The following QSOX2 variants were observed in gnomAD, a reference collection of about 807,000 sequenced individuals.
QSOX2 encodes sulfhydryl oxidase 2.
In QSOX2, 46 loss-of-function variants were observed where a neutral mutation model predicts 61.7. The ratio of observed to expected loss-of-function variants is 0.75; its 90% CI spans 0.59 to 0.95. The LOEUF is 0.95. QSOX2 is among the 40% of genes least tolerant of loss of function. QSOX2 has a pLI of 0.00. For missense variants in QSOX2, 879 were observed against 918.9 expected, an observed-to-expected ratio of 0.96 and a Z score of 0.56; for synonymous variants, 383 against 388.4, an observed-to-expected ratio of 0.99 and a Z score of 0.16.
chr9:136,212,258 C>G (rs1168766298), intron 10 of QSOX2, among the ~76,000 whole-genome samples: 1 of 152,200 alleles, frequency 6.6e-6, no homozygotes, highest in Non-Finnish European at 1.5e-5. Context: ...GCTCGGCAGT[C>G]CCCACTCAGA....
intron 2 of QSOX2, among the ~76,000 whole-genome samples, chr9:136,225,543 G>C (rs909260918): frequency 2.0e-5 from 3 of 152,238 alleles, no homozygotes; most frequent in Non-Finnish European, 4.4e-5. Context: ...TGCAAACGAA[G>C]CCGCCAGTGC....
At chr9:136,218,144 C>G (rs1222781982) in intron 8 of QSOX2, among the ~76,000 whole-genome samples, 2 of 152,240 alleles carry the variant, frequency 1.3e-5, no homozygotes, top group Admixed American at 6.5e-5. Flanking sequence ...GGCCTGAGCT[C>G]TGTTGGGTGG....
rs192099226 is a variant in QSOX2, at chr9:136,221,695, G to A, written c.821+101C>T. The A allele has an allele frequency of 1.1e-4, 147 of 1,317,482 alleles. 1 individual carries two copies. In the East Asian group the frequency reaches 3.0e-3, roughly 27 times the overall value. The allele number at this position is 1,317,482 out of a possible 1,614,324, so 81.6% of individuals were successfully genotyped here. Reference sequence around the variant, plus strand: ...CCAGGGAAGCGAGGCGGAGGGGCCAGGGCTCCCCCGATCTCACACCAGACT... The same window carrying A: ...CCAGGGAAGCGAGGCGGAGGGGCCAAGGCTCCCCCGATCTCACACCAGACT... On this transcript the variant is annotated intron_variant, in intron 6 of 11. Transcript: ENST00000358701. The surrounding 1 kb of genome is among the most constrained non-coding windows in gnomAD (Gnocchi z 4.5).
At chr9:136,220,032 A>T (rs887301550) in intron 6 of QSOX2, among the ~76,000 whole-genome samples, 28 of 151,778 alleles carry the variant, frequency 1.8e-4, no homozygotes, top group African/African-American at 6.8e-4. Context: ...TTGTATTTTC[A>T]CTCATTTATC....
chr9:136,225,841 G>A (rs1044245517), intron 2 of QSOX2, among the ~76,000 whole-genome samples: 1 of 152,254 alleles, frequency 6.6e-6, no homozygotes, highest in African/African-American at 2.4e-5. Flanking sequence ...AACAGAAAGA[G>A]GGCCCGAAAG....
chr9:136,218,980 C>CG, intron 7 of QSOX2, 50 bp downstream of exon 7: 1 of 1,596,058 alleles, frequency 6.3e-7, no homozygotes, highest in Non-Finnish European at 8.6e-7. Flanking sequence ...ACGCAGCCTT[C>CG]GGTCTACACG....
At chr9:136,241,658 G>A (rs1395081428) in intron 1 of QSOX2, among the ~76,000 whole-genome samples, 3 of 152,182 alleles carry the variant, frequency 2.0e-5, no homozygotes, top group Non-Finnish European at 4.4e-5. Flanking sequence ...ACTATCCCAC[G>A]CAACCTCACG....
At chr9:136,210,726 T>C in intron 11 of QSOX2, 1 of 985,172 alleles carries the variant, frequency 1.0e-6, no homozygotes, top group African/African-American at 1.7e-5. Context: ...TCATCTCTAT[T>C]AAGATTTCTC....
In QSOX2 at chr9:136,227,015, T is replaced by A. The variant is rs1830288662; in HGVS notation, c.329-141A>T. The A allele has an allele frequency of 1.2e-5, 8 of 678,304 alleles. 1 individual carries two copies. Among genetic ancestry groups the A allele is most frequent in the South Asian group, 9.4e-5 (6 of 63,534 alleles). The allele number at this position is 678,304 out of a possible 1,614,324, so 42.0% of individuals were successfully genotyped here. A position where few individuals can be genotyped will look rare whatever the true frequency, so the allele number is the denominator to read the frequency against. On this transcript the variant is annotated intron_variant, in intron 1 of 11. Transcript: ENST00000358701. ...CTCTAGGTCATCAGTTAGGCCCTCATCACACAGAGCGTCTATGTGGAGCTA... is the reference window on the plus strand; with the variant it reads ...CTCTAGGTCATCAGTTAGGCCCTCAACACACAGAGCGTCTATGTGGAGCTA...
At chr9:136,238,413 T>C (rs1254866766) in intron 1 of QSOX2, among the ~76,000 whole-genome samples, 1 of 152,216 alleles carries the variant, frequency 6.6e-6, no homozygotes, top group East Asian at 1.9e-4. Context: ...CTACATGACC[T>C]GAAACCACAA....
rs1830239317 is a variant in QSOX2 at position 136,223,078 on chromosome 9, A to G, written c.675+685T>C. Reference sequence around the variant, plus strand: ...CAAGTGCGTCTCCAAAAGCCCTCGCAGGGGCAAAGCTGTTTCCTACATTCA... The same window carrying G: ...CAAGTGCGTCTCCAAAAGCCCTCGCGGGGGCAAAGCTGTTTCCTACATTCA... On this transcript the variant is annotated intron_variant, in intron 5 of 11. Transcript: ENST00000358701. This position sits in a 1 kb window ranked among gnomAD's most constrained non-coding sequence, Gnocchi z 4.4. Among the ~76,000 whole-genome samples the G allele has an allele frequency of 2.0e-5, 3 of 152,244 alleles. No individual in the cohort carries two copies. The highest frequency in any genetic ancestry group is 2.0e-4 in the Admixed American group (3 of 15,288).
At position 136,230,243 on chromosome 9, in the gene QSOX2, C is replaced by T. The variant is rs370648695; in HGVS notation, c.329-3369G>A. 1.1e-4 allele frequency among the ~76,000 whole-genome samples: 17 copies of T among 152,342 alleles called. No homozygotes were observed. In the East Asian group the frequency reaches 1.2e-3, roughly 10 times the overall value. On this transcript the variant is annotated intron_variant, in intron 1 of 11. Coordinates refer to ENST00000358701, the MANE Select transcript of QSOX2 (RefSeq NM_181701.4). The stretch of plus-strand genomic sequence containing the variant: ...GCAGTGAGCCAAGATAGCGCCACTG[C>T]ACTCCAGCCTGGCGCCAGAGCGAGA...
rs1006745834 is a variant in QSOX2 at position 136,216,853 on chromosome 9, T to C, written c.1087-131A>G. 4 of 1,154,512 alleles carry C rather than the reference T, an allele frequency of 3.5e-6. No individual in the cohort carries two copies. The African/African-American group carries it at 4.6e-5, about 13-fold the overall frequency. The allele number at this position is 1,154,512 out of a possible 1,614,324, so 71.5% of individuals were successfully genotyped here. Reference sequence around the variant, plus strand: ...GCTGAACCTAGGATGGGGCCTCTCATAACTCGGGTTTCTCTGATGGGAGGC... The same window carrying C: ...GCTGAACCTAGGATGGGGCCTCTCACAACTCGGGTTTCTCTGATGGGAGGC... On this transcript the variant is annotated intron_variant, in intron 8 of 11. Coordinates refer to ENST00000358701, the MANE Select transcript of QSOX2 (RefSeq NM_181701.4).
Position 136,208,854 on chromosome 9 carries a change from G to A in QSOX2, c.1971C>T (p.Ser657=). 3 of 1,614,066 alleles carry A rather than the reference G, an allele frequency of 1.9e-6. No individual in the cohort carries two copies. The highest frequency in any genetic ancestry group is 1.3e-5 in the African/African-American group (1 of 75,042). The change falls in exon 12 of 12, where the codon TCC becomes TCT. Residue 657 remains serine (S), a synonymous_variant. Coordinates refer to ENST00000358701, the MANE Select transcript of QSOX2 (RefSeq NM_181701.4). ...GAAPFLGVDF[S]SLDMSLCVVL... is the part of the protein sequence containing the mutation. Reference sequence around the variant, plus strand: ...CGACACAGAGACTCATGTCCAGGCTGGAGAAGTCAACCCCGAGGAAGGGTG... The same window carrying A: ...CGACACAGAGACTCATGTCCAGGCTAGAGAAGTCAACCCCGAGGAAGGGTG...
intron 1 of QSOX2, among the ~76,000 whole-genome samples, chr9:136,238,792 CT>C (rs1249720630): frequency 6.6e-6 from 1 of 152,232 alleles, no homozygotes; most frequent in African/African-American, 2.4e-5. Context: ...TTTACTGAGC[CT>C]GCATCTGCCT....
intron 2 of QSOX2, 130 bp downstream of exon 2, chr9:136,226,644 G>C: frequency 2.6e-6 from 2 of 778,240 alleles, no homozygotes; most frequent in Non-Finnish European, 2.3e-6. Context: ...TCCAAGGAGA[G>C]AGCCAGAGAA....
rs1257084953 is a variant in QSOX2 at position 136,223,091 on chromosome 9, T to G, written c.675+672A>C. Among the ~76,000 whole-genome samples, 1 of 152,192 alleles carries G rather than the reference T, an allele frequency of 6.6e-6. No individual in the cohort carries two copies. Among genetic ancestry groups the G allele is most frequent in the African/African-American group, 2.4e-5 (1 of 41,470 alleles). ...AAAAGCCCTCGCAGGGGCAAAGCTG[T>G]TTCCTACATTCACCGCAAGGCCCCT... On this transcript the variant is annotated intron_variant, in intron 5 of 11. Coordinates refer to ENST00000358701, the MANE Select transcript of QSOX2 (RefSeq NM_181701.4). The surrounding 1 kb of genome is among the most constrained non-coding windows in gnomAD (Gnocchi z 4.4).
At chr9:136,227,933 CAG>C (rs947142267) in intron 1 of QSOX2, among the ~76,000 whole-genome samples, 3 of 151,888 alleles carry the variant, frequency 2.0e-5, no homozygotes, top group East Asian at 1.9e-4. Context: ...GAGCCGGCGA[CAG>C]GGGGAGGCTC....
intron 10 of QSOX2, among the ~76,000 whole-genome samples, chr9:136,213,243 G>GTTTTTTTTT (rs398046934): frequency 9.0e-6 from 1 of 111,046 alleles, no homozygotes; most frequent in African/African-American, 3.6e-5. Context: ...GTTTTGTTGT[G>GTTTTTTTTT]TTTTTTTTTT....
Sources: gnomAD v4.1 joint callset for allele counts (sites outside exome capture counted in the v4.1 genomes callset) on GRCh38, gnomAD v4.1.1 for gene constraint, Gnocchi (gnomAD v3.1) non-coding constraint, MANE v1.5 for transcripts, NCBI Gene and HGNC (gene_info 2026-07-23, HGNC 2026-07-21) for gene names.